SACM1L: variants seen among roughly 807,000 people sequenced by gnomAD.
SACM1L encodes SAC1 like phosphatidylinositide phosphatase, also known as phosphatidylinositol-3-phosphatase SAC1.
Under a neutral mutation model 89.5 loss-of-function variants are expected in SACM1L, and 32 were observed. That is an observed-to-expected ratio of 0.36 (90% confidence interval 0.27 to 0.48). The LOEUF (loss-of-function observed/expected upper bound fraction) is 0.48. SACM1L is among the 20% of genes least tolerant of loss of function. The probability of loss-of-function intolerance (pLI) is 0.99; values close to 1 mark genes in which losing one functional copy is unlikely to be tolerated. For synonymous variants in SACM1L, 213 were observed against 232.8 expected, an observed-to-expected ratio of 0.92 and a Z score of 0.77; for missense variants, 543 against 708.5, an observed-to-expected ratio of 0.77 and a Z score of 2.65.
At chr3:45,731,249 A>G in intron 11 of SACM1L, 52 bp from the exon 12 acceptor site, 1 of 1,205,566 alleles carries the variant, frequency 8.3e-7, no homozygotes, top group South Asian at 1.3e-5. Flanking sequence ...TTCTGATACC[A>G]TTCTCTCCTT....
At chr3:45,690,716 CCTCCACATTTTCCT>C (rs11269928) in intron 1 of SACM1L, among the ~76,000 whole-genome samples, 63,339 of 151,676 alleles carry the variant, frequency 0.42, 13,636 homozygotes, top group East Asian at 0.68. Context: ...TGCACACTTC[CCTCCACATTTTCCT>C]CTCCACCTTT....
Position 45,743,609 on chromosome 3 carries a change from T to C in SACM1L, c.1704T>C (p.Leu568=). The C allele has an allele frequency of 6.2e-7, 1 of 1,614,178 alleles. No homozygotes were observed. Among genetic ancestry groups the C allele is most frequent in the Non-Finnish European group, 8.5e-7 (1 of 1,180,006 alleles). The part of the protein sequence containing the change: ...VASIGTFFII[L]YNGKDFVDAP... ...GCATTGGAACATTTTTTATCATTCT[T>C]TACAATGGCAAAGATTTTGTCGATG... The change falls in exon 20 of 20, where the codon CTT becomes CTC. Residue 568 remains leucine (L), a synonymous_variant. Transcript: ENST00000389061.
intron 7 of SACM1L, among the ~76,000 whole-genome samples, chr3:45,718,624 C>A (rs1698719308): frequency 6.6e-6 from 1 of 152,122 alleles, no homozygotes; most frequent in Admixed American, 6.5e-5. Context: ...GAAATTCTTA[C>A]CCATTTAATA....
At chr3:45,698,615 ATC>A (rs967452559) in intron 1 of SACM1L, among the ~76,000 whole-genome samples, 21 of 152,288 alleles carry the variant, frequency 1.4e-4, no homozygotes, top group Middle Eastern at 3.4e-3. Flanking sequence ...CGATGGCGCA[ATC>A]TCTGCTCACT....
Position 45,737,756 on chromosome 3 carries a change from T to G in SACM1L, c.1310-16T>G, listed in dbSNP as rs1320445086. On this transcript the variant is annotated splice_polypyrimidine_tract_variant and intron_variant, in intron 15 of 19. Transcript: ENST00000389061. ...TCATCTTAATAATTATCAGCTGTTT[T>G]TACTTTTTTCTACAGCCTGGGCTGA... The G allele has an allele frequency of 2.5e-6, 4 of 1,606,860 alleles. No individual in the cohort carries two copies. The highest frequency in any genetic ancestry group is 3.4e-6 in the Non-Finnish European group (4 of 1,177,406).
At chr3:45,695,753 G>A (rs1164820816) in intron 1 of SACM1L, among the ~76,000 whole-genome samples, 1 of 152,018 alleles carries the variant, frequency 6.6e-6, no homozygotes, top group Non-Finnish European at 1.5e-5. Context: ...TTGTACAACC[G>A]TTATCACCAT....
At chr3:45,731,638 A>G (rs1699055726) in intron 12 of SACM1L, among the ~76,000 whole-genome samples, 1 of 152,186 alleles carries the variant, frequency 6.6e-6, no homozygotes, top group Non-Finnish European at 1.5e-5. Flanking sequence ...GAGTTTCCAT[A>G]GATAATACTT....
chr3:45,719,518 G>C lies in SACM1L; in HGVS notation c.596G>C (p.Cys199Ser), dbSNP rs374692887. The C allele has an allele frequency of 3.1e-6, 5 of 1,604,150 alleles. No individual in the cohort carries two copies. In the African/African-American group the frequency reaches 6.7e-5, roughly 21 times the overall value. The change falls in exon 8 of 20, where the codon TGT (cysteine) becomes TCT (serine). Residue 199 changes from cysteine to serine, a missense_variant. Cys to Ser is a moderately radical substitution (Grantham distance 112). Transcript: ENST00000389061. ...VLHGFITMHS[C>S]SINGKYFDWI... is the part of the protein sequence containing the mutation. ...GGTTAAGTTATTACCATGCATTCATGTTCTATTAATGGAAAATACTTTGAT... is the reference window on the plus strand; with the variant it reads ...GGTTAAGTTATTACCATGCATTCATCTTCTATTAATGGAAAATACTTTGAT...
At chr3:45,707,606 G>A (rs1436899389) in intron 4 of SACM1L, among the ~76,000 whole-genome samples, 4 of 152,228 alleles carry the variant, frequency 2.6e-5, no homozygotes, top group Non-Finnish European at 4.4e-5. Flanking sequence ...AGGGACAGTA[G>A]GTATGCAGCC....
At chr3:45,738,716 T>C (rs1417603827) in intron 17 of SACM1L, 45 bp downstream of exon 17, 1 of 1,524,734 alleles carries the variant, frequency 6.6e-7, no homozygotes, top group Non-Finnish European at 9.1e-7. Context: ...TGGTTGTATC[T>C]TTGCATTGTT....
chr3:45,713,267 G>A lies in SACM1L; in HGVS notation c.543+71G>A, dbSNP rs182141015. On this transcript the variant is annotated intron_variant, in intron 6 of 19. Coordinates refer to ENST00000389061, the MANE Select transcript of SACM1L (RefSeq NM_014016.5). ...TTTAATTCAATGCATGCTATAAAGT[G>A]ACTTCCTAATCACCAAGAATTTCGA... The A allele has an allele frequency of 3.5e-5, 40 of 1,148,630 alleles. No individual in the cohort carries two copies. The East Asian group carries it at 9.0e-4, about 26-fold the overall frequency. The allele number at this position is 1,148,630 out of a possible 1,614,324, so 71.2% of individuals were successfully genotyped here.
At chr3:45,708,116 C>T (rs942715579) in intron 4 of SACM1L, among the ~76,000 whole-genome samples, 24 of 151,908 alleles carry the variant, frequency 1.6e-4, no homozygotes, top group African/African-American at 5.8e-4. Flanking sequence ...TTTTAAAGGT[C>T]ATGAAACAGT....
Position 45,738,687 on chromosome 3 carries a change from A to T in SACM1L, c.1476+16A>T. 6.4e-7 allele frequency: 1 copy of T among 1,570,076 alleles called. No individual in the cohort carries two copies. Among genetic ancestry groups the T allele is most frequent in the Non-Finnish European group, 8.8e-7 (1 of 1,140,104 alleles). Reference sequence around the variant, plus strand: ...ATTTAGACAAGTAAGTTTGTATTTGATGCTTTCCTGGCATTACGTGGTTGT... The same window carrying T: ...ATTTAGACAAGTAAGTTTGTATTTGTTGCTTTCCTGGCATTACGTGGTTGT... On this transcript the variant is annotated intron_variant, in intron 17 of 19. Coordinates refer to ENST00000389061, the MANE Select transcript of SACM1L (RefSeq NM_014016.5).
chr3:45,732,849 G>A (rs1699107569), intron 13 of SACM1L, among the ~76,000 whole-genome samples: 1 of 152,174 alleles, frequency 6.6e-6, no homozygotes, highest in Admixed American at 6.5e-5. Flanking sequence ...CTGCCTGTGT[G>A]TGATGGTTCT....
rs1699252088 is a variant in SACM1L at position 45,738,580 on chromosome 3, C to T, written c.1385C>T (p.Thr462Ile). Reference protein sequence around the residue: ...TGALKTDFTRTGKRTHLGLIM... With the variant: ...TGALKTDFTRIGKRTHLGLIM... ...TAAAATTTAACCTCTTTAACCAGAA[C>T]TGGAAAGAGAACTCATTTGGGACTT... The change falls in exon 17 of 20, where the codon ACT becomes ATT. Residue 462 changes from threonine (T) to isoleucine (I), a missense_variant and splice_region_variant. Transcript: ENST00000389061. 2 of 1,601,342 alleles carry T rather than the reference C, an allele frequency of 1.2e-6. No homozygotes were observed. Among genetic ancestry groups the T allele is most frequent in the African/African-American group, 1.3e-5 (1 of 74,642 alleles).
chr3:45,721,585 G>T (rs1698788839), intron 8 of SACM1L, among the ~76,000 whole-genome samples: 1 of 152,124 alleles, frequency 6.6e-6, no homozygotes, highest in Non-Finnish European at 1.5e-5. Flanking sequence ...TTGTTACTAA[G>T]TATAATTACC....
At chr3:45,732,789 C>T (rs1048995840) in intron 13 of SACM1L, among the ~76,000 whole-genome samples, 3 of 152,082 alleles carry the variant, frequency 2.0e-5, no homozygotes, top group African/African-American at 4.8e-5. Context: ...CAGTCTTTAC[C>T]GATTTTAAAG....
At chr3:45,699,114 A>G (rs1455953448) in intron 1 of SACM1L, among the ~76,000 whole-genome samples, 2 of 152,114 alleles carry the variant, frequency 1.3e-5, no homozygotes, top group Non-Finnish European at 2.9e-5. Flanking sequence ...AATCTTATGT[A>G]TACGGTTTAA....
intron 7 of SACM1L, among the ~76,000 whole-genome samples, chr3:45,717,492 A>G (rs1194674889): frequency 1.3e-5 from 2 of 152,214 alleles, no homozygotes; most frequent in East Asian, 3.9e-4. Context: ...AATTGGATAA[A>G]ATAGGGAAGG....
Sources: gnomAD v4.1 joint callset for allele counts (sites outside exome capture counted in the v4.1 genomes callset) on GRCh38, gnomAD v4.1.1 for gene constraint, MANE v1.5 for transcripts, NCBI Gene and HGNC (gene_info 2026-07-23, HGNC 2026-07-21) for gene names.